GRIP2: variants seen among roughly 807,000 people sequenced by gnomAD.
The protein encoded by GRIP2 is glutamate receptor interacting protein 2.
A neutral mutation model predicts 108.3 loss-of-function variants in GRIP2; 58 were observed. The observed-to-expected ratio is 0.54, with a 90% CI of 0.43 to 0.67. The LOEUF (loss-of-function observed/expected upper bound fraction) is 0.67. GRIP2 is among the 30% of genes least tolerant of loss of function. The probability of loss-of-function intolerance (pLI) is 0.00; values close to 1 mark genes in which losing one functional copy is unlikely to be tolerated. For missense variants in GRIP2, 1,278 were observed against 1,430.6 expected, an observed-to-expected ratio of 0.89 and a Z score of 1.72; for synonymous variants, 586 against 598.2, an observed-to-expected ratio of 0.98 and a Z score of 0.30.
chr3:14,582,533 T>C, the GRIP2 span, among the ~76,000 whole-genome samples: 2 of 152,116 alleles, frequency 1.3e-5, no homozygotes, highest in Non-Finnish European at 2.9e-5. Context: ...AGGCAGGAGG[T>C]CTGGAGAAGA....
intron 4 of GRIP2, 91 bp downstream of exon 4, chr3:14,524,302 T>C (rs1387838783): frequency 7.0e-7 from 1 of 1,431,930 alleles, no homozygotes; most frequent in Non-Finnish European, 9.4e-7. Context: ...CCATCTGGCA[T>C]GATCCCTGCC....
chr3:14,522,752 C>T lies in GRIP2; in HGVS notation c.566+248G>A. 2 of 508,560 alleles carry T rather than the reference C, an allele frequency of 3.9e-6. No individual in the cohort carries two copies. The highest frequency in any genetic ancestry group is 7.1e-6 in the Non-Finnish European group (2 of 283,200). 31.5% of individuals were successfully genotyped at this position (508,560 alleles called of 1,614,324 possible). ...AAAGGGAAGAACGACACCAAGGCTGCCCCTCTCCAAACACCCCAACCCCTG... is the reference window on the plus strand; with the variant it reads ...AAAGGGAAGAACGACACCAAGGCTGTCCCTCTCCAAACACCCCAACCCCTG... On this transcript the variant is annotated intron_variant, in intron 6 of 23. Coordinates refer to ENST00000621039, the MANE Select transcript of GRIP2 (RefSeq NM_001080423.4). The surrounding 1 kb of genome is among the most constrained non-coding windows in gnomAD (Gnocchi z 4.3).
chr3:14,526,541 T>C (rs1694558862), intron 1 of GRIP2, among the ~76,000 whole-genome samples: 1 of 152,220 alleles, frequency 6.6e-6, no homozygotes, highest in Non-Finnish European at 1.5e-5. Context: ...CTGAGATAAG[T>C]CTGTCCTCCT....
chr3:14,502,790 A>C (rs1390959923), intron 21 of GRIP2, among the ~76,000 whole-genome samples: 2 of 152,222 alleles, frequency 1.3e-5, no homozygotes, highest in Admixed American at 1.3e-4. Flanking sequence ...GAGACTATCA[A>C]AGCTAAACAA....
chr3:14,568,841 C>T, the GRIP2 span, among the ~76,000 whole-genome samples: 1 of 152,296 alleles, frequency 6.6e-6, no homozygotes, highest in East Asian at 1.9e-4. Context: ...CAGCAAACCA[C>T]CCCCATGGGC....
upstream of GRIP2, among the ~76,000 whole-genome samples, chr3:14,544,630 A>T (rs1285526964): frequency 6.6e-6 from 1 of 152,112 alleles, no homozygotes; most frequent in Non-Finnish European, 1.5e-5. Context: ...CAAGGACAAG[A>T]GAGATAAACC....
Position 14,511,022 on chromosome 3 carries a change from CTTCATTTG to C in GRIP2, c.1933+135_1933+142del, listed in dbSNP as rs1694073728. On this transcript the variant is annotated intron_variant, in intron 16 of 23. Coordinates refer to ENST00000621039, the MANE Select transcript of GRIP2 (RefSeq NM_001080423.4). This position sits in a 1 kb window ranked among gnomAD's most constrained non-coding sequence, Gnocchi z 4.1. ...GAGAAATCTGTGGTGTTGCCCCCTC[CTTCATTTG>C]TTCATTCCAGCCAGCCTTCAGCAGC... 2.0e-6 allele frequency: 2 copies of C among 985,252 alleles called. No individual in the cohort carries two copies. The highest frequency in any genetic ancestry group is 3.0e-6 in the Non-Finnish European group (2 of 677,154). 61.0% of individuals were successfully genotyped at this position (985,252 alleles called of 1,614,324 possible).
the GRIP2 span, among the ~76,000 whole-genome samples, chr3:14,586,301 T>C: frequency 9.9e-5 from 15 of 152,252 alleles, no homozygotes; most frequent in Non-Finnish European, 1.5e-4. Flanking sequence ...TTCTGGTCCA[T>C]CTTCTCTGCT....
the GRIP2 span, chr3:14,574,690 A>G: frequency 1.6e-6 from 1 of 615,958 alleles, no homozygotes; most frequent in Non-Finnish European, 3.1e-6. Context: ...GCTGGAGTGA[A>G]GCTTCGACGC....
chr3:14,562,568 T>G, the GRIP2 span, among the ~76,000 whole-genome samples: 1 of 152,214 alleles, frequency 6.6e-6, no homozygotes, highest in Non-Finnish European at 1.5e-5. Flanking sequence ...ATACGCAGTG[T>G]TTTAGGAGGC....
At chr3:14,510,033 C>T in intron 16 of GRIP2, 69 bp from the exon 17 acceptor site, 1 of 1,245,982 alleles carries the variant, frequency 8.0e-7, no homozygotes, top group Non-Finnish European at 1.0e-6. Flanking sequence ...GCCTTGGCCT[C>T]ACTCACTCAC....
intron 1 of GRIP2, among the ~76,000 whole-genome samples, chr3:14,551,414 C>G (rs916011244): frequency 6.6e-6 from 1 of 152,212 alleles, no homozygotes; most frequent in Non-Finnish European, 1.5e-5. Context: ...TCTGCTCTGC[C>G]TGGCTCAGAC....
upstream of GRIP2, chr3:14,540,496 C>G: frequency 7.1e-7 from 1 of 1,404,934 alleles, no homozygotes; most frequent in South Asian, 1.4e-5. The surrounding 1 kb of genome is among the most constrained non-coding windows in gnomAD (Gnocchi z 4.1). Context: ...AAGGCTGGCT[C>G]CAGGACAGGG....
At chr3:14,542,631 C>T (rs1235648403), upstream of GRIP2, among the ~76,000 whole-genome samples, 1 of 152,192 alleles carries the variant, frequency 6.6e-6, no homozygotes, top group Non-Finnish European at 1.5e-5. Flanking sequence ...AAAGGTCATG[C>T]CGTGGATTAT....
intron 23 of GRIP2, 85 bp from the exon 24 acceptor site, chr3:14,493,911 G>T: frequency 6.9e-7 from 1 of 1,455,584 alleles, no homozygotes; most frequent in South Asian, 1.3e-5. Flanking sequence ...ATGTCCTAAA[G>T]ATGGGTCCTG....
At chr3:14,504,599 T>C (rs6789507) in intron 20 of GRIP2, among the ~76,000 whole-genome samples, 81,595 of 152,046 alleles carry the variant, frequency 0.54, 22,128 homozygotes, top group East Asian at 0.64. Context: ...CGTGAGCCAC[T>C]GCACCCTGCC....
In GRIP2 at chr3:14,493,797, G is replaced by A. The variant is rs1243067283; in HGVS notation, c.3000C>T (p.Asp1000=). 1 of 1,613,614 alleles carries A rather than the reference G, an allele frequency of 6.2e-7. No homozygotes were observed. The highest frequency in any genetic ancestry group is 1.7e-5 in the Admixed American group (1 of 60,004). ...CCAGGAGTGGCACCGCCAGGCAGCA[G>A]TCGAAGTCCCGTGTACGGACGTGGT... ...QVNHVRTRDF[D]CCLAVPLLAE... The change falls in exon 24 of 24, where the codon GAC becomes GAT. Residue 1000 remains aspartate (D), a synonymous_variant. Coordinates refer to ENST00000621039, the MANE Select transcript of GRIP2 (RefSeq NM_001080423.4).
chr3:14,507,565 T>C lies in GRIP2; in HGVS notation c.2214A>G (p.Leu738=), dbSNP rs1693965491. ...AGGGGATGAAGCGAATCTCACGGTC[T>C]AGTTGCTTCTTGATCTTCAGTGTGA... ...ETVTLKIKKQ[L]DRPLLPRKSG... Residue 738 remains leucine, a synonymous_variant, in exon 18 of 24, where the codon CTA becomes CTG. Transcript: ENST00000621039. The surrounding 1 kb of genome is among the most constrained non-coding windows in gnomAD (Gnocchi z 4.6). 1 of 1,613,552 alleles carries C rather than the reference T, an allele frequency of 6.2e-7. No individual in the cohort carries two copies.
intron 1 of GRIP2, among the ~76,000 whole-genome samples, chr3:14,551,439 G>T (rs1695147083): frequency 6.6e-6 from 1 of 152,172 alleles, no homozygotes; most frequent in African/African-American, 2.4e-5. Flanking sequence ...CCAGGCCCTG[G>T]GCTCCACTCT....
Sources: gnomAD v4.1 joint callset for allele counts (sites outside exome capture counted in the v4.1 genomes callset) on GRCh38, gnomAD v4.1.1 for gene constraint, Gnocchi (gnomAD v3.1) non-coding constraint, MANE v1.5 for transcripts, NCBI Gene and HGNC (gene_info 2026-07-23, HGNC 2026-07-21) for gene names.